OLFM3: variants seen among roughly 807,000 people sequenced by gnomAD.
The protein encoded by OLFM3 is noelin-3.
In OLFM3, 20 loss-of-function variants were observed where a neutral mutation model predicts 48.6. The ratio of observed to expected loss-of-function variants is 0.41; its 90% CI spans 0.29 to 0.60. The LOEUF (loss-of-function observed/expected upper bound fraction) is 0.60. Among genes scored for constraint, OLFM3 ranks in the 20% least tolerant of loss-of-function variants. OLFM3 has a pLI of 0.28. For synonymous variants in OLFM3, 222 were observed against 198.1 expected (o/e 1.12, Z -1.01); for missense variants, 437 against 544.3 (o/e 0.80, Z 1.96).
chr1:101,945,868 T>C (rs79202060), intron 1 of OLFM3, among the ~76,000 whole-genome samples: 2 of 43,230 alleles, frequency 4.6e-5, no homozygotes, highest in South Asian at 2.8e-3. Flanking sequence ...ACAATTAAAA[T>C]TTTTTTAAAA....
intron 1 of OLFM3, among the ~76,000 whole-genome samples, chr1:101,951,489 T>A (rs916559452): frequency 5.9e-5 from 9 of 152,146 alleles, no homozygotes; most frequent in Admixed American, 6.5e-5. Flanking sequence ...ATCATCGGAA[T>A]GATCAGATGT....
intron 1 of OLFM3, chr1:101,846,948 C>T: frequency 6.2e-7 from 1 of 1,612,348 alleles, no homozygotes; most frequent in Non-Finnish European, 8.5e-7. Flanking sequence ...AAGCACAGCG[C>T]CAAGCTTCAG....
intron 1 of OLFM3, among the ~76,000 whole-genome samples, chr1:101,922,630 C>G (rs761020874): frequency 6.6e-6 from 1 of 152,088 alleles, no homozygotes; most frequent in Non-Finnish European, 1.5e-5. Context: ...CCTATGAATA[C>G]CCGTCAGAAA....
intron 1 of OLFM3, among the ~76,000 whole-genome samples, chr1:101,967,118 CCTAT>C (rs1395968614): frequency 6.6e-6 from 1 of 152,110 alleles, no homozygotes; most frequent in Non-Finnish European, 1.5e-5. Context: ...TTTTATACTA[CCTAT>C]CTCTTTTAGG....
At chr1:101,966,930 G>A (rs956152070) in intron 1 of OLFM3, among the ~76,000 whole-genome samples, 2 of 152,128 alleles carry the variant, frequency 1.3e-5, no homozygotes, top group Non-Finnish European at 2.9e-5. Context: ...TAAGCTTCCT[G>A]AAGGGAAATA....
At chr1:101,818,466 G>A (rs1026486407) in intron 4 of OLFM3, among the ~76,000 whole-genome samples, 1 of 152,098 alleles carries the variant, frequency 6.6e-6, no homozygotes, top group African/African-American at 2.4e-5. Context: ...ATTTTGGGAA[G>A]AGCAAGACTG....
intron 1 of OLFM3, among the ~76,000 whole-genome samples, chr1:101,852,143 GCAAA>G (rs1247977603): frequency 7.6e-6 from 1 of 131,312 alleles, no homozygotes; most frequent in Non-Finnish European, 1.5e-5. Flanking sequence ...TACTTTAAAT[GCAAA>G]CAAACAAACT....
chr1:101,811,298 A>C (rs1654037277), intron 4 of OLFM3, among the ~76,000 whole-genome samples: 1 of 152,060 alleles, frequency 6.6e-6, no homozygotes, highest in Admixed American at 6.6e-5. Flanking sequence ...GTAGTTATGG[A>C]GTTTGACTTA....
chr1:101,965,348 G>A (rs926386382), intron 1 of OLFM3, among the ~76,000 whole-genome samples: 1 of 152,088 alleles, frequency 6.6e-6, no homozygotes, highest in Non-Finnish European at 1.5e-5. Flanking sequence ...AGATTTCGAA[G>A]GAAGGAAAAA....
At chr1:101,855,444 T>C (rs763310426) in intron 1 of OLFM3, among the ~76,000 whole-genome samples, 1 of 152,094 alleles carries the variant, frequency 6.6e-6, no homozygotes, top group Non-Finnish European at 1.5e-5. Context: ...CTGTGTCTCA[T>C]ACACACACTC....
chr1:101,852,526 G>A (rs1007263333), intron 1 of OLFM3, among the ~76,000 whole-genome samples: 3 of 151,918 alleles, frequency 2.0e-5, no homozygotes, highest in Non-Finnish European at 4.4e-5. Flanking sequence ...TCATCTATAT[G>A]CTAATGATTC....
intron 4 of OLFM3, among the ~76,000 whole-genome samples, 181 bp downstream of exon 4, chr1:101,824,845 A>G (rs1005911770): frequency 6.6e-6 from 1 of 152,244 alleles, no homozygotes; most frequent in African/African-American, 2.4e-5. Flanking sequence ...TCAAGAAACC[A>G]TTAGTCTAGC....
Position 101,804,931 on chromosome 1 carries a change from A to C in OLFM3, c.700-16T>G, listed in dbSNP as rs1418195090. ...TGTACCAGACCTGAGAAGAAGGAAA[A>C]AAATAAATGGAGTGACTAAATTCTG... is the stretch of plus-strand genomic sequence containing the variant. On this transcript the variant is annotated splice_polypyrimidine_tract_variant and intron_variant, in intron 5 of 5. Coordinates refer to ENST00000370103, the MANE Select transcript of OLFM3 (RefSeq NM_058170.4). This position sits in a 1 kb window ranked among gnomAD's most constrained non-coding sequence, Gnocchi z 4.5. The C allele has an allele frequency of 1.3e-6, 2 of 1,578,196 alleles. No individual in the cohort carries two copies. The highest frequency in any genetic ancestry group is 1.1e-5 in the South Asian group (1 of 87,142).
intron 1 of OLFM3, among the ~76,000 whole-genome samples, chr1:101,848,819 T>C (rs1656115228): frequency 1.3e-5 from 2 of 152,044 alleles, no homozygotes; most frequent in South Asian, 2.1e-4. Flanking sequence ...ATTTCCAAAA[T>C]TGAAAGAAAA....
intron 1 of OLFM3, among the ~76,000 whole-genome samples, chr1:101,925,735 G>A (rs373078389): frequency 6.6e-6 from 1 of 151,256 alleles, no homozygotes; most frequent in African/African-American, 2.4e-5. Flanking sequence ...CTGTATGAGT[G>A]CCCAGGCTGG....
At chr1:101,847,352 T>A (rs1414818407) in intron 1 of OLFM3, among the ~76,000 whole-genome samples, 1 of 150,894 alleles carries the variant, frequency 6.6e-6, no homozygotes, top group Non-Finnish European at 1.5e-5. Context: ...CTACTCTTTA[T>A]CTTTCATTAA....
chr1:101,985,036 T>C (rs957777779), intron 1 of OLFM3, among the ~76,000 whole-genome samples: 1 of 152,210 alleles, frequency 6.6e-6, no homozygotes, highest in Non-Finnish European at 1.5e-5. Context: ...TTCTAAAGGG[T>C]CTCTGGAAGC....
At chr1:101,862,879 T>C (rs945739563) in intron 1 of OLFM3, among the ~76,000 whole-genome samples, 1 of 152,208 alleles carries the variant, frequency 6.6e-6, no homozygotes, top group Non-Finnish European at 1.5e-5. Context: ...TAGGCATAAA[T>C]ATGATCTTGT....
intron 1 of OLFM3, among the ~76,000 whole-genome samples, chr1:101,916,071 C>T (rs1570627571): frequency 6.6e-6 from 1 of 152,254 alleles, no homozygotes; most frequent in Non-Finnish European, 1.5e-5. Flanking sequence ...CTGTGACTTA[C>T]AGATCAGGAA....
Sources: allele counts gnomAD v4.1 joint callset (sites outside exome capture counted in the v4.1 genomes callset), GRCh38; gene constraint gnomAD v4.1.1; non-coding constraint Gnocchi (gnomAD v3.1); transcripts MANE v1.5; gene names NCBI Gene and HGNC (gene_info 2026-07-23, HGNC 2026-07-21).